Variants in PHC3 observed in about 807,000 individuals in gnomAD.
The protein encoded by PHC3 is polyhomeotic homolog 3.
Under a neutral mutation model 107.4 loss-of-function variants are expected in PHC3, and 13 were observed. The ratio of observed to expected loss-of-function variants is 0.12; its 90% CI spans 0.08 to 0.19. The LOEUF (loss-of-function observed/expected upper bound fraction) is 0.19. Ranked by LOEUF, PHC3 falls within the 10% of genes least tolerant of loss-of-function variation. PHC3 has a pLI of 1.00. For missense variants in PHC3, 992 were observed against 1,210.9 expected (o/e 0.82, Z 2.68); for synonymous variants, 456 against 427.4 (o/e 1.07, Z -0.83).
chr3:170,154,032 C>T lies in PHC3; in HGVS notation c.415-4788G>A, dbSNP rs186173165. On this transcript the variant is annotated intron_variant, in intron 4 of 14. Coordinates refer to ENST00000495893, the MANE Select transcript of PHC3 (RefSeq NM_024947.4). Reference sequence around the variant, plus strand: ...CTCTAATAAGCTTTTTCAGGCATTCCCATATCCCAAAGCAGAACTGACTAT... The same window carrying T: ...CTCTAATAAGCTTTTTCAGGCATTCTCATATCCCAAAGCAGAACTGACTAT... 2.0e-3 allele frequency among the ~76,000 whole-genome samples: 307 copies of T among 152,198 alleles called. 6 individuals are homozygous for T. The highest frequency in any genetic ancestry group is 5.0e-4 in the Non-Finnish European group (34 of 68,004).
At chr3:170,138,632 G>C (rs2108521223) in intron 6 of PHC3, among the ~76,000 whole-genome samples, 1 of 145,050 alleles carries the variant, frequency 6.9e-6, no homozygotes, top group Middle Eastern at 3.8e-3. Flanking sequence ...AGAGGTTGCA[G>C]TGAGCTGAGA....
rs184099602 is a variant in PHC3, at chr3:170,099,177, A to G, written c.2834-1793T>C. The stretch of plus-strand genomic sequence containing the variant: ...AAACAAGGAGTTCTCCATGAGGAAA[A>G]TATGTAGCACATTCCTGTTCCTCTG... On this transcript the variant is annotated intron_variant, in intron 14 of 14. Coordinates refer to ENST00000495893, the MANE Select transcript of PHC3 (RefSeq NM_024947.4). 3.3e-5 allele frequency among the ~76,000 whole-genome samples: 5 copies of G among 152,312 alleles called. No homozygotes were observed. The East Asian group carries it at 9.6e-4, about 29-fold the overall frequency.
In PHC3 at chr3:170,128,944, G is replaced by C. The variant is rs758816132; in HGVS notation, c.1528C>G (p.Pro510Ala). The change falls in exon 8 of 15, where the codon CCA (proline) becomes GCA (alanine). Residue 510 changes from proline to alanine, a missense_variant. Coordinates refer to ENST00000495893, the MANE Select transcript of PHC3 (RefSeq NM_024947.4). ...GACATCTGTGGAGGACTTGCAATTG[G>C]GATTGGAGAGGACTGCAGGGATGAA... Reference protein sequence around the residue: ...QYSSLQSSPIPIASPPQMSTS... With the variant: ...QYSSLQSSPIAIASPPQMSTS... 9.3e-6 allele frequency: 15 copies of C among 1,613,888 alleles called. No homozygotes were observed. Among genetic ancestry groups the C allele is most frequent in the Non-Finnish European group, 1.3e-5 (15 of 1,179,896 alleles).
intron 6 of PHC3, among the ~76,000 whole-genome samples, chr3:170,139,312 C>G (rs1261545880): frequency 6.6e-6 from 1 of 152,066 alleles, no homozygotes; most frequent in Non-Finnish European, 1.5e-5. Context: ...TGTTCTTAGG[C>G]TAACATTAAA....
chr3:170,168,544 T>C (rs565329253), intron 4 of PHC3, among the ~76,000 whole-genome samples: 1 of 151,634 alleles, frequency 6.6e-6, no homozygotes, highest in Non-Finnish European at 1.5e-5. Context: ...GGCAGGTGGA[T>C]CACAAGGTCA....
In PHC3 at chr3:170,091,090, C is replaced by T. The variant is rs781523410; in HGVS notation, c.*6140G>A. 3 of 152,186 alleles carry T rather than the reference C, an allele frequency of 2.0e-5. No individual in the cohort carries two copies. Among genetic ancestry groups the T allele is most frequent in the Non-Finnish European group, 4.4e-5 (3 of 68,038 alleles). 9.4% of individuals were successfully genotyped at this position (152,186 alleles called of 1,614,324 possible). A position where few individuals can be genotyped will look rare whatever the true frequency, so the allele number is the denominator to read the frequency against. On this transcript the variant is annotated 3_prime_UTR_variant, in exon 15 of 15. Coordinates refer to ENST00000495893, the MANE Select transcript of PHC3 (RefSeq NM_024947.4). ...TCATAAACACCAACTTTTTCACCAC[C>T]ATCACTTAAAGCTCCACAAAGCTTG...
chr3:170,111,174 G>A (rs912724602), intron 11 of PHC3, among the ~76,000 whole-genome samples: 1 of 151,962 alleles, frequency 6.6e-6, no homozygotes, highest in Non-Finnish European at 1.5e-5. Flanking sequence ...TGCTATGTGT[G>A]ATATGGCATT....
chr3:170,172,527 T>G (rs772507654), intron 3 of PHC3, 30 bp downstream of exon 3: 4 of 1,598,782 alleles, frequency 2.5e-6, no homozygotes, highest in African/African-American at 2.7e-5. Flanking sequence ...ACAGAAACTT[T>G]GATCTCATAA....
intron 9 of PHC3, among the ~76,000 whole-genome samples, 188 bp from the exon 10 acceptor site, chr3:170,117,664 C>T (rs1305577557): frequency 6.6e-6 from 1 of 152,114 alleles, no homozygotes; most frequent in East Asian, 1.9e-4. Flanking sequence ...ATTATTTCCA[C>T]TTTATAGAGG....
intron 2 of PHC3, 50 bp downstream of exon 2, chr3:170,178,723 G>A: frequency 6.3e-7 from 1 of 1,580,610 alleles, no homozygotes; most frequent in Non-Finnish European, 8.7e-7. Flanking sequence ...TAAGCAAAAA[G>A]TAATATGACA....
intron 4 of PHC3, among the ~76,000 whole-genome samples, chr3:170,163,861 C>CAA (rs200514068): frequency 1.4e-3 from 121 of 85,020 alleles, no homozygotes; most frequent in African/African-American, 2.4e-3. Flanking sequence ...AGACTCTGTC[C>CAA]AAAAAAAAAA....
chr3:170,178,326 G>A (rs1157539940), intron 2 of PHC3, among the ~76,000 whole-genome samples: 1 of 151,106 alleles, frequency 6.6e-6, no homozygotes, highest in Non-Finnish European at 1.5e-5. Context: ...TGTATTTTTA[G>A]TAGAGACGGG....
rs749253935 is a variant in PHC3 at position 170,128,877 on chromosome 3, G to A, written c.1595C>T (p.Ser532Phe). 6.2e-7 allele frequency: 1 copy of A among 1,613,944 alleles called. No homozygotes were observed. Among genetic ancestry groups the A allele is most frequent in the Admixed American group, 1.7e-5 (1 of 60,010 alleles). ...AGGCTGCACTTGTAAAGACTGCATA[G>A]ACTGCAAGGGCAGTGGTGGAATCTG... ...PAQIPPLPLQ[S>F]MQSLQVQPEI... Residue 532 changes from serine (S) to phenylalanine (F), a missense_variant, in exon 8 of 15, where the codon TCT becomes TTT. By Grantham distance (155) the Ser-to-Phe change is radical. This residue lies in a region of PHC3 where 543 missense variants were observed against 590.8 expected (regional missense o/e 0.92). Transcript: ENST00000495893.
chr3:170,137,813 C>CA (rs1301061869), intron 6 of PHC3, among the ~76,000 whole-genome samples: 1 of 152,144 alleles, frequency 6.6e-6, no homozygotes, highest in Non-Finnish European at 1.5e-5. Context: ...GCAGGAGAAT[C>CA]ACTTGAACCC....
In PHC3 at chr3:170,093,773, G is replaced by A. The variant is rs933507113; in HGVS notation, c.*3457C>T. ...CATTATAATTTTATACTTGATACAT[G>A]AAGATAAGCTACGTCAAAAATTATT... On this transcript the variant is annotated 3_prime_UTR_variant, in exon 15 of 15. Coordinates refer to ENST00000495893, the MANE Select transcript of PHC3 (RefSeq NM_024947.4). The A allele has an allele frequency of 1.3e-5, 2 of 152,184 alleles. No homozygotes were observed. The highest frequency in any genetic ancestry group is 2.9e-5 in the Non-Finnish European group (2 of 68,026). The allele number at this position is 152,184 out of a possible 1,614,324, so 9.4% of individuals were successfully genotyped here.
At chr3:170,151,052 A>C (rs1725875059) in intron 4 of PHC3, among the ~76,000 whole-genome samples, 1 of 151,980 alleles carries the variant, frequency 6.6e-6, no homozygotes, top group African/African-American at 2.4e-5. Context: ...TTCTACTAAA[A>C]ATACAAAAAT....
intron 5 of PHC3, chr3:170,148,668 T>C (rs1266821510): frequency 6.5e-6 from 1 of 153,722 alleles, no homozygotes; most frequent in Non-Finnish European, 1.4e-5. Context: ...ACAACAAAGT[T>C]TTTTTAACAT....
chr3:170,122,153 G>T (rs935090406), intron 9 of PHC3, among the ~76,000 whole-genome samples: 2 of 152,158 alleles, frequency 1.3e-5, no homozygotes, highest in African/African-American at 4.8e-5. Context: ...GGAAGCTGGG[G>T]CAAAAGAATC....
At position 170,148,278 on chromosome 3, in the gene PHC3, TAAC is replaced by T. The variant is rs750824968; in HGVS notation, c.573+805_573+807del. 8.3e-3 allele frequency: 1,251 copies of T among 151,460 alleles called. 14 individuals are homozygous for T. Among genetic ancestry groups the T allele is most frequent in the African/African-American group, 0.027 (1,118 of 41,258 alleles). The allele number at this position is 151,460 out of a possible 1,614,324, so 9.4% of individuals were successfully genotyped here. A position where few individuals can be genotyped will look rare whatever the true frequency, so the allele number is the denominator to read the frequency against. On this transcript the variant is annotated intron_variant, in intron 5 of 14. Coordinates refer to ENST00000495893, the MANE Select transcript of PHC3 (RefSeq NM_024947.4). ...AGTGAGACTTCACCTCAAAAAACAATAACAACAACAACAACAACAACAACAAAA... is the reference window on the plus strand; with the variant it reads ...AGTGAGACTTCACCTCAAAAAACAATAACAACAACAACAACAACAACAAAA...
Sources: allele counts gnomAD v4.1 joint callset (sites outside exome capture counted in the v4.1 genomes callset), GRCh38; gene constraint gnomAD v4.1.1; regional missense constraint gnomAD v4.1.1; transcripts MANE v1.5; gene names NCBI Gene and HGNC (gene_info 2026-07-23, HGNC 2026-07-21).